HP: variants seen among roughly 807,000 people sequenced by gnomAD.
HP encodes haptoglobin alpha(1S)-beta.
A neutral mutation model predicts 23.2 loss-of-function variants in HP; 9 were observed. The ratio of observed to expected loss-of-function variants is 0.39; its 90% CI spans 0.23 to 0.68. The LOEUF (loss-of-function observed/expected upper bound fraction) is 0.68. HP is among the 30% of genes least tolerant of loss of function. The pLI is 0.47. For missense variants in HP, 433 were observed against 483.6 expected (o/e 0.90, Z 0.98); for synonymous variants, 155 against 183.3 (o/e 0.85, Z 1.25).
rs758399342 is a variant in HP, at chr16:72,060,234, G to A, written c.565G>A (p.Ala189Thr). 2 of 1,614,056 alleles carry A rather than the reference G, an allele frequency of 1.2e-6. No individual in the cohort carries two copies. The highest frequency in any genetic ancestry group is 2.7e-5 in the African/African-American group (2 of 74,922). Residue 189 changes from alanine to threonine, a missense_variant, in exon 7 of 7, where the codon GCC becomes ACC. Physicochemically the swap from Ala to Thr is moderately conservative, Grantham distance 58 (BLOSUM62 0). Transcript: ENST00000355906. ...MVSHHNLTTG[A>T]TLINEQWLLT... ...TTCCCACCATAATCTCACCACAGGTGCCACGCTGATCAATGAACAATGGCT... is the reference window on the plus strand; with the variant it reads ...TTCCCACCATAATCTCACCACAGGTACCACGCTGATCAATGAACAATGGCT...
Position 72,060,733 on chromosome 16 carries a change from C to T in HP, c.1064C>T (p.Ala355Val), listed in dbSNP as rs367968695. 8.9e-5 allele frequency: 143 copies of T among 1,614,032 alleles called. No homozygotes were observed. The highest frequency in any genetic ancestry group is 2.5e-4 in the Admixed American group (15 of 60,008). Residue 355 changes from alanine (A) to valine (V), a missense_variant, in exon 7 of 7, where the codon GCG becomes GTG. This residue lies in a region of HP where 326 missense variants were observed against 358.1 expected (regional missense o/e 0.91). Transcript: ENST00000355906. Reference sequence around the variant, plus strand: ...CAAGAAGACACCTGCTATGGCGATGCGGGCAGTGCCTTTGCCGTTCACGAC... The same window carrying T: ...CAAGAAGACACCTGCTATGGCGATGTGGGCAGTGCCTTTGCCGTTCACGAC... ...KYQEDTCYGD[A>V]GSAFAVHDLE...
intron 1 of HP, 197 bp downstream of exon 1, chr16:72,054,854 A>G: frequency 1.2e-6 from 1 of 839,466 alleles, no homozygotes; most frequent in Non-Finnish European, 1.9e-6. Context: ...TTCCCAGGAG[A>G]TAAGATTTAC....
chr16:72,056,101 A>G, intron 1 of HP, 60 bp from the exon 2 acceptor site: 2 of 1,552,298 alleles, frequency 1.3e-6, no homozygotes, highest in Middle Eastern at 3.4e-4. Flanking sequence ...GTGTGGATGC[A>G]TGCATGTGCT....
chr16:72,056,287 T>G lies in HP; in HGVS notation c.88+44T>G, dbSNP rs183338750. The G allele has an allele frequency of 4.0e-5, 63 of 1,581,506 alleles. No homozygotes were observed. The African/African-American group carries it at 7.7e-4, about 19-fold the overall frequency. On this transcript the variant is annotated intron_variant, in intron 2 of 6. Coordinates refer to ENST00000355906, the MANE Select transcript of HP (RefSeq NM_005143.5). ...AGGAGTGTGCATCCCACTCTGACCC[T>G]CTCGGGTCTGCACTCTCTCTGAGAA...
rs779422253 is a variant in HP at position 72,060,429 on chromosome 16, C to T, written c.760C>T (p.Gln254Ter). The T allele has an allele frequency of 3.1e-6, 5 of 1,614,050 alleles. No homozygotes were observed. Among genetic ancestry groups the T allele is most frequent in the East Asian group, 2.2e-5 (1 of 44,858 alleles). Residue 254 changes from glutamine to a stop codon, truncating the protein, a stop_gained, in exon 7 of 7, where the codon CAG (glutamine) becomes TAG (stop). Coordinates refer to ENST00000355906, the MANE Select transcript of HP (RefSeq NM_005143.5). LOFTEE classifies it high-confidence loss of function. ...QVDIGLIKLK[Q>*]KVSVNERVMP... ...AGATATTGGGCTCATCAAACTCAAA[C>T]AGAAGGTGTCTGTTAATGAGAGAGT...
In HP at chr16:72,054,536, A is replaced by C. The variant is rs2041427672; in HGVS notation, c.-117A>C. The C allele has an allele frequency of 5.7e-6, 9 of 1,574,248 alleles. No homozygotes were observed. In the Middle Eastern group the frequency reaches 5.0e-4, roughly 87 times the overall value. On this transcript the variant is annotated 5_prime_UTR_variant, in exon 1 of 7. Transcript: ENST00000355906. ...AAAGATAGTGACCTTACCAGGGCCA[A>C]AGTTTGTAGACACAGGAATTACGAA...
rs1461483889 is a variant in HP at position 72,059,261 on chromosome 16, C to T, written c.442+73C>T. 13 of 1,539,388 alleles carry T rather than the reference C, an allele frequency of 8.4e-6. 1 individual carries two copies. Among genetic ancestry groups the T allele is most frequent in the African/African-American group, 3.0e-5 (2 of 65,882 alleles). ...GTCCTAGAGGCACAGCCTTCCAGTG[C>T]GGCTTCCTCTGAGCACACAAGAGCC... On this transcript the variant is annotated intron_variant, in intron 6 of 6. Coordinates refer to ENST00000355906, the MANE Select transcript of HP (RefSeq NM_005143.5).
At chr16:72,054,867 T>G in intron 1 of HP, 1 of 868,198 alleles carries the variant, frequency 1.2e-6, no homozygotes, top group South Asian at 1.8e-5. Context: ...AGATTTACTC[T>G]CAGGAGTGTC....
Position 72,056,184 on chromosome 16 carries a change from T to C in HP, c.29T>C (p.Leu10Pro). The C allele has an allele frequency of 6.2e-7, 1 of 1,613,970 alleles. No individual in the cohort carries two copies. The highest frequency in any genetic ancestry group is 8.5e-7 in the Non-Finnish European group (1 of 1,179,952). The change falls in exon 2 of 7, where the codon CTC (leucine) becomes CCC (proline). Residue 10 changes from leucine (L) to proline (P), a missense_variant. Leu to Pro is a moderately conservative substitution (Grantham distance 98, BLOSUM62 -3). This residue lies in a region of HP where 71 missense variants were observed against 54.2 expected (regional missense o/e 1.31). Coordinates refer to ENST00000355906, the MANE Select transcript of HP (RefSeq NM_005143.5). MSALGAVIA[L>P]LLWGQLFAVD... ...AGTGCCCTGGGAGCTGTCATTGCCC[T>C]CCTGCTCTGGGGACAGCTTTTTGCA...
rs752082019 is a variant in HP at position 72,060,668 on chromosome 16, A to C, written c.999A>C (p.Ile333=). 1.2e-5 allele frequency: 19 copies of C among 1,614,172 alleles called. No homozygotes were observed. The East Asian group carries it at 3.3e-4, about 28-fold the overall frequency. The change falls in exon 7 of 7, where the codon ATA becomes ATC. Residue 333 remains isoleucine (I), a synonymous_variant. Coordinates refer to ENST00000355906, the MANE Select transcript of HP (RefSeq NM_005143.5). ...AGAGCCCTGTAGGGGTGCAGCCCAT[A>C]CTGAATGAACACACCTTCTGTGCTG... ...TPKSPVGVQP[I]LNEHTFCAGM... is the part of the protein sequence containing the mutation.
At chr16:72,059,225 C>G (rs752314565) in intron 6 of HP, 37 bp downstream of exon 6, 2 of 1,562,954 alleles carry the variant, frequency 1.3e-6, no homozygotes, top group Admixed American at 1.7e-5. Context: ...GGCAGGCGTC[C>G]AGCGGGGAAC....
rs375614678 is a variant in HP at position 72,059,159 on chromosome 16, T to C, written c.413T>C (p.Val138Ala). 1 of 1,565,694 alleles carries C rather than the reference T, an allele frequency of 6.4e-7. No homozygotes were observed. The highest frequency in any genetic ancestry group is 8.7e-7 in the Non-Finnish European group (1 of 1,149,084). ...NNEKQWINKA[V>A]GDKLPECEAV... ...GAGAAGCAGTGGATAAATAAGGCTG[T>C]TGGAGATAAACTTCCTGAATGTGAA... is the stretch of plus-strand genomic sequence containing the variant. The change falls in exon 6 of 7, where the codon GTT (valine) becomes GCT (alanine). Residue 138 changes from valine (V) to alanine (A), a missense_variant. Val to Ala is a moderately conservative substitution (Grantham distance 64, BLOSUM62 0). Around this residue, in one of 3 missense-constraint regions of HP, gnomAD observed 326 missense variants for 358.1 expected, o/e 0.91. Coordinates refer to ENST00000355906, the MANE Select transcript of HP (RefSeq NM_005143.5).
In HP at chr16:72,056,203, T is replaced by TTTTGCAGTGGACTCAGGCAATG. The variant is rs751401623; in HGVS notation, c.49_70dup (p.Asp24ValfsTer8). The TTTTGCAGTGGACTCAGGCAATG allele has an allele frequency of 2.5e-5, 40 of 1,613,878 alleles. No homozygotes were observed. The highest frequency in any genetic ancestry group is 3.2e-5 in the Non-Finnish European group (38 of 1,180,006). ...TTGCCCTCCTGCTCTGGGGACAGCT[T>TTTTGCAGTGGACTCAGGCAATG]TTTGCAGTGGACTCAGGCAATGATG... On this transcript the variant is annotated frameshift_variant, in exon 2 of 7. Transcript: ENST00000355906. LOFTEE classifies it high-confidence loss of function.
In HP at chr16:72,060,133, C is replaced by T. The variant is rs562787662; in HGVS notation, c.464C>T (p.Pro155Leu). Reference sequence around the variant, plus strand: ...ACAGTATGTGGGAAGCCCAAGAATCCGGCAAACCCAGTGCAGCGGATCCTG... The same window carrying T: ...ACAGTATGTGGGAAGCCCAAGAATCTGGCAAACCCAGTGCAGCGGATCCTG... ...CEAVCGKPKN[P>L]ANPVQRILGG... Residue 155 changes from proline (P) to leucine (L), a missense_variant, in exon 7 of 7, where the codon CCG becomes CTG. Coordinates refer to ENST00000355906, the MANE Select transcript of HP (RefSeq NM_005143.5). 113 of 1,613,494 alleles carry T rather than the reference C, an allele frequency of 7.0e-5. No individual in the cohort carries two copies. Among genetic ancestry groups the T allele is most frequent in the Middle Eastern group, 1.7e-4 (1 of 6,022 alleles).
chr16:72,054,866 C>T (rs2041434414), intron 1 of HP: 6 of 865,966 alleles, frequency 6.9e-6, no homozygotes, highest in Non-Finnish European at 1.1e-5. Flanking sequence ...AAGATTTACT[C>T]TCAGGAGTGT....
At chr16:72,054,799 A>G in intron 1 of HP, 142 bp downstream of exon 1, 1 of 1,251,092 alleles carries the variant, frequency 8.0e-7, no homozygotes, top group East Asian at 2.5e-5. Flanking sequence ...TTAGTGTGTT[A>G]AATCTTCTCC....
At chr16:72,057,000 A>G (rs2041471808) in intron 3 of HP, 1 of 341,276 alleles carries the variant, frequency 2.9e-6, no homozygotes, top group African/African-American at 3.0e-5. Flanking sequence ...TTATTTGCTC[A>G]CTTAGTCCTC....
intron 2 of HP, 31 bp downstream of exon 2, chr16:72,056,274 C>T: frequency 7.5e-6 from 12 of 1,597,126 alleles, no homozygotes; most frequent in African/African-American, 1.3e-5. Flanking sequence ...GAGTGTGCAT[C>T]CCACTCTGAC....
In HP at chr16:72,057,954, G is replaced by A. The variant is rs2041483332; in HGVS notation, c.266-300G>A. ...CTTCTGCTCTTACTGGTGTGGAAAT[G>A]CCAACCTGCCTCGTATTAACTGCAC... is the stretch of plus-strand genomic sequence containing the variant. On this transcript the variant is annotated intron_variant, in intron 4 of 6. Transcript: ENST00000355906. The A allele has an allele frequency of 7.7e-6, 3 of 391,450 alleles. 1 individual carries two copies. 24.2% of individuals were successfully genotyped at this position (391,450 alleles called of 1,614,324 possible).
Sources: gnomAD v4.1 joint callset for allele counts on GRCh38, gnomAD v4.1.1 for gene constraint, gnomAD v4.1.1 regional missense constraint, MANE v1.5 for transcripts, NCBI Gene and HGNC (gene_info 2026-07-23, HGNC 2026-07-21) for gene names.